KIAA0319: variants seen among roughly 807,000 people sequenced by gnomAD.
KIAA0319 encodes KIAA0319, also known as dyslexia-associated protein KIAA0319.
A neutral mutation model predicts 108.4 loss-of-function variants in KIAA0319; 83 were observed. The ratio of observed to expected loss-of-function variants is 0.77; its 90% confidence interval spans 0.64 to 0.92. The LOEUF is 0.92. KIAA0319 is among the 40% of genes least tolerant of loss of function. KIAA0319 has a pLI of 0.00. For missense variants in KIAA0319, 1,195 were observed against 1,322.4 expected, an observed-to-expected ratio of 0.90 and a Z score of 1.49; for synonymous variants, 484 against 510.4, an observed-to-expected ratio of 0.95 and a Z score of 0.70.
chr6:24,593,248 A>G (rs1201110968), intron 3 of KIAA0319, among the ~76,000 whole-genome samples: 2 of 152,130 alleles, frequency 1.3e-5, no homozygotes, highest in Non-Finnish European at 2.9e-5. Flanking sequence ...TTAACCTATG[A>G]ATGTGCCTGT....
chr6:24,583,763 C>T, intron 4 of KIAA0319, 61 bp from the exon 5 acceptor site: 1 of 1,006,418 alleles, frequency 9.9e-7, no homozygotes, highest in Non-Finnish European at 1.6e-6. Context: ...CATTACTGCT[C>T]TACACTAGAT....
intron 1 of KIAA0319, among the ~76,000 whole-genome samples, chr6:24,623,030 C>T (rs1455421587): frequency 6.6e-6 from 1 of 151,648 alleles, no homozygotes; most frequent in African/African-American, 2.4e-5. Context: ...CAGAGTGAGG[C>T]TCCATCTCAT....
At chr6:24,558,070 G>C (rs1762542536) in intron 17 of KIAA0319, among the ~76,000 whole-genome samples, 1 of 151,804 alleles carries the variant, frequency 6.6e-6, no homozygotes, top group Non-Finnish European at 1.5e-5. Flanking sequence ...TGCCTCTCTG[G>C]ATATTCTAAA....
At chr6:24,620,260 C>CAATTTTT (rs1291150013) in intron 1 of KIAA0319, among the ~76,000 whole-genome samples, 1 of 152,118 alleles carries the variant, frequency 6.6e-6, no homozygotes, top group East Asian at 1.9e-4. Context: ...GAGGCCTCTT[C>CAATTTTT]AATTTTTATA....
chr6:24,583,727 G>A (rs777920928), intron 4 of KIAA0319, 25 bp from the exon 5 acceptor site: 3 of 1,374,220 alleles, frequency 2.2e-6, no homozygotes, highest in Non-Finnish European at 3.1e-6. Flanking sequence ...GAAATAATAC[G>A]TGCAATTATA....
chr6:24,596,355 C>A lies in KIAA0319; in HGVS notation c.319G>T (p.Val107Phe). 1 of 1,614,254 alleles carries A rather than the reference C, an allele frequency of 6.2e-7. No individual in the cohort carries two copies. Among genetic ancestry groups the A allele is most frequent in the Non-Finnish European group, 8.5e-7 (1 of 1,180,046 alleles). Residue 107 changes from valine to phenylalanine, a missense_variant, in exon 3 of 21, where the codon GTT (valine) becomes TTT (phenylalanine). Physicochemically the swap from Val to Phe is conservative, Grantham distance 50. Transcript: ENST00000378214. ...RSYLTFVLRP[V>F]QRPAQLLDYG... ...TCCAGCAGCTGTGCAGGCCTCTGAA[C>A]AGGCCGGAGCACAAAAGTGAGATAA...
chr6:24,608,763 T>C (rs1485465036), intron 1 of KIAA0319, among the ~76,000 whole-genome samples: 1 of 151,624 alleles, frequency 6.6e-6, no homozygotes, highest in Non-Finnish European at 1.5e-5. Context: ...ACCCCGTCTC[T>C]ACTAAAAATA....
intron 2 of KIAA0319, chr6:24,600,842 A>T: frequency 1.3e-6 from 1 of 776,518 alleles, no homozygotes; most frequent in Non-Finnish European, 2.1e-6. Flanking sequence ...TTATTTTCCC[A>T]TGGAATAGTC....
chr6:24,565,109 C>A (rs1310516313), intron 14 of KIAA0319, among the ~76,000 whole-genome samples: 1 of 151,968 alleles, frequency 6.6e-6, no homozygotes. Flanking sequence ...AAAAATTAGA[C>A]AGGCGTGGTG....
At position 24,547,136 on chromosome 6, in the gene KIAA0319, G is replaced by T; in HGVS notation, c.*29C>A. Reference sequence around the variant, plus strand: ...CACTGACTGGTCTTGGATTCAAGGGGTCCTTCCACTTTACAATGAACTGCG... The same window carrying T: ...CACTGACTGGTCTTGGATTCAAGGGTTCCTTCCACTTTACAATGAACTGCG... On this transcript the variant is annotated 3_prime_UTR_variant, in exon 21 of 21. Transcript: ENST00000378214. 1.2e-6 allele frequency: 2 copies of T among 1,611,310 alleles called. No individual in the cohort carries two copies. Among genetic ancestry groups the T allele is most frequent in the South Asian group, 2.2e-5 (2 of 90,896 alleles).
intron 11 of KIAA0319, among the ~76,000 whole-genome samples, chr6:24,572,240 C>T (rs1430391004): frequency 2.6e-5 from 4 of 152,178 alleles, no homozygotes; most frequent in East Asian, 1.9e-4. Flanking sequence ...CAACGTGTTC[C>T]CCAATGTCTG....
At chr6:24,573,024 G>T (rs1202783347) in intron 10 of KIAA0319, among the ~76,000 whole-genome samples, 8 of 152,122 alleles carry the variant, frequency 5.3e-5, no homozygotes, top group Non-Finnish European at 1.0e-4. Flanking sequence ...AAGAGGCTGA[G>T]GCACGAGAAT....
intron 1 of KIAA0319, among the ~76,000 whole-genome samples, chr6:24,630,690 TATATATATATATACACATATACAC>T (rs1562105088): frequency 1.4e-5 from 1 of 71,224 alleles, no homozygotes; most frequent in African/African-American, 7.2e-5. Context: ...TGTGTATATA[TATATATATATATACACATATACAC>T]ACAAACTTTA....
intron 9 of KIAA0319, among the ~76,000 whole-genome samples, chr6:24,577,026 C>T (rs932538712): frequency 5.3e-5 from 8 of 152,072 alleles, no homozygotes; most frequent in Admixed American, 1.3e-4. Flanking sequence ...GAACAGTTCT[C>T]GGAACAGGTA....
chr6:24,596,691 G>C, intron 2 of KIAA0319, 73 bp from the exon 3 acceptor site: 1 of 1,398,714 alleles, frequency 7.1e-7, no homozygotes, highest in South Asian at 1.4e-5. Context: ...AAGAAACCAG[G>C]AAAAGGGAGT....
chr6:24,640,331 T>G (rs1198126900), intron 1 of KIAA0319, among the ~76,000 whole-genome samples: 3 of 152,152 alleles, frequency 2.0e-5, no homozygotes, highest in African/African-American at 7.2e-5. Flanking sequence ...AACAACATGA[T>G]GTTTAAGCTC....
At chr6:24,579,330 A>C (rs1393581847) in intron 8 of KIAA0319, among the ~76,000 whole-genome samples, 1 of 150,952 alleles carries the variant, frequency 6.6e-6, no homozygotes, top group African/African-American at 2.4e-5. Flanking sequence ...CATCCCTTCT[A>C]AGAGTTCTTA....
chr6:24,637,044 C>A (rs1776294647), intron 1 of KIAA0319, among the ~76,000 whole-genome samples: 2 of 152,218 alleles, frequency 1.3e-5, no homozygotes, highest in African/African-American at 4.8e-5. Flanking sequence ...GATCAACTTC[C>A]TGAAGCATTT....
In KIAA0319 at chr6:24,627,325, G is replaced by A. The variant is rs535971722; in HGVS notation, c.-106+18411C>T. 3.3e-5 allele frequency among the ~76,000 whole-genome samples: 5 copies of A among 152,288 alleles called. No homozygotes were observed. The East Asian group carries it at 9.7e-4, about 29-fold the overall frequency. On this transcript the variant is annotated intron_variant, in intron 1 of 20. Coordinates refer to ENST00000378214, the MANE Select transcript of KIAA0319 (RefSeq NM_014809.4). ...TACAATTAGAGATCACTGTCAACAGGTGGTAATGTGCTACCTGATAACCTC... is the reference window on the plus strand; with the variant it reads ...TACAATTAGAGATCACTGTCAACAGATGGTAATGTGCTACCTGATAACCTC...
Sources: gnomAD v4.1 joint callset for allele counts (sites outside exome capture counted in the v4.1 genomes callset) on GRCh38, gnomAD v4.1.1 for gene constraint, MANE v1.5 for transcripts, NCBI Gene and HGNC (gene_info 2026-07-23, HGNC 2026-07-21) for gene names.